PPM1L: variants seen among roughly 807,000 people sequenced by gnomAD.
The protein encoded by PPM1L is protein phosphatase, Mg2+/Mn2+ dependent 1L, also known as protein phosphatase 1L.
A neutral mutation model predicts 31.4 loss-of-function variants in PPM1L; 13 were observed. That is an observed-to-expected ratio of 0.41 (90% CI 0.27 to 0.66). The LOEUF is 0.66. PPM1L is among the 30% of genes least tolerant of loss of function. The probability of loss-of-function intolerance (pLI) is 0.29; values close to 1 mark genes in which losing one functional copy is unlikely to be tolerated. For missense variants in PPM1L, 326 were observed against 453.7 expected (o/e 0.72, Z 2.56); for synonymous variants, 184 against 175.4 (o/e 1.05, Z -0.39).
intron 2 of PPM1L, among the ~76,000 whole-genome samples, chr3:160,973,437 G>A (rs1465399079): frequency 6.6e-6 from 1 of 152,150 alleles, no homozygotes; most frequent in Non-Finnish European, 1.5e-5. Flanking sequence ...TGTACTATCG[G>A]GATTGTGTAA....
intron 1 of PPM1L, among the ~76,000 whole-genome samples, chr3:160,920,277 T>C (rs1714341830): frequency 6.6e-6 from 1 of 152,106 alleles, no homozygotes; most frequent in Non-Finnish European, 1.5e-5. Context: ...TCTATGGCAA[T>C]AAGGGCCAGG....
intron 3 of PPM1L, 125 bp downstream of exon 3, chr3:161,065,689 T>C: frequency 4.2e-6 from 3 of 713,872 alleles, no homozygotes; most frequent in Non-Finnish European, 4.4e-6. Flanking sequence ...CTGAGGTAAC[T>C]GAGATTGACT....
intron 1 of PPM1L, among the ~76,000 whole-genome samples, chr3:160,893,021 T>C (rs1359940061): frequency 6.6e-6 from 1 of 152,168 alleles, no homozygotes; most frequent in Non-Finnish European, 1.5e-5. Context: ...GTCATATATA[T>C]ATAACTGGAG....
At chr3:160,815,358 A>C (rs1157607313) in intron 1 of PPM1L, among the ~76,000 whole-genome samples, 1 of 152,060 alleles carries the variant, frequency 6.6e-6, no homozygotes, top group Non-Finnish European at 1.5e-5. Flanking sequence ...TCCAAGCACA[A>C]CTGTTCTCAG....
At chr3:160,920,587 TC>T (rs1349935443) in intron 1 of PPM1L, among the ~76,000 whole-genome samples, 12 of 8,062 alleles carry the variant, frequency 1.5e-3, no homozygotes, top group Admixed American at 4.9e-3. Flanking sequence ...GCATTTAGTT[TC>T]TCTCTCTCTC....
chr3:160,798,126 C>T (rs1033038065), intron 1 of PPM1L, among the ~76,000 whole-genome samples: 16 of 151,870 alleles, frequency 1.1e-4, no homozygotes, highest in African/African-American at 2.9e-4. Flanking sequence ...TGCAGTGAGC[C>T]GAGATCACGC....
chr3:160,895,693 T>G lies in PPM1L; in HGVS notation c.400-66043T>G, dbSNP rs1213675667. ...GTGGTTCTTGATCCTTTGGTTATCT[T>G]CTTTTAATAGGGACATCAAGAGTGT... On this transcript the variant is annotated intron_variant, in intron 1 of 3. Coordinates refer to ENST00000498165, the MANE Select transcript of PPM1L (RefSeq NM_139245.4). Among the ~76,000 whole-genome samples, 15 of 152,206 alleles carry G rather than the reference T, an allele frequency of 9.9e-5. 1 individual carries two copies. Among genetic ancestry groups the G allele is most frequent in the Admixed American group, 9.8e-4 (15 of 15,278 alleles).
intron 2 of PPM1L, among the ~76,000 whole-genome samples, chr3:161,006,429 A>G (rs540833350): frequency 3.9e-5 from 6 of 152,206 alleles, no homozygotes; most frequent in Non-Finnish European, 8.8e-5. Flanking sequence ...AAGATCTGTT[A>G]TACAACCATG....
At chr3:160,825,504 A>G (rs979774085) in intron 1 of PPM1L, among the ~76,000 whole-genome samples, 1 of 152,174 alleles carries the variant, frequency 6.6e-6, no homozygotes, top group Non-Finnish European at 1.5e-5. Flanking sequence ...GCATTGCTGC[A>G]TCCTCTGATC....
intron 1 of PPM1L, among the ~76,000 whole-genome samples, chr3:160,837,875 A>C (rs572307459): frequency 6.6e-6 from 1 of 152,278 alleles, no homozygotes; most frequent in South Asian, 2.1e-4. Context: ...CTCTGCTGTC[A>C]CTGTCTTGAA....
chr3:160,909,221 G>A (rs905258341), intron 1 of PPM1L, among the ~76,000 whole-genome samples: 7 of 152,168 alleles, frequency 4.6e-5, no homozygotes, highest in African/African-American at 1.4e-4. Context: ...TAGTGTAGGA[G>A]GAATGAGGAG....
At chr3:160,855,341 A>G (rs1024590503) in intron 1 of PPM1L, among the ~76,000 whole-genome samples, 1 of 152,224 alleles carries the variant, frequency 6.6e-6, no homozygotes, top group Admixed American at 6.5e-5. Flanking sequence ...GAAGACACCA[A>G]AAGTAATTGC....
chr3:160,828,526 A>G (rs62272830), intron 1 of PPM1L, among the ~76,000 whole-genome samples: 5,238 of 152,256 alleles, frequency 0.034, 135 homozygotes, highest in Middle Eastern at 0.12. Context: ...GAGATAGACA[A>G]TAAGTAAGTA....
chr3:161,030,505 A>G (rs923328653), intron 2 of PPM1L, among the ~76,000 whole-genome samples: 1 of 152,174 alleles, frequency 6.6e-6, no homozygotes, highest in Non-Finnish European at 1.5e-5. Flanking sequence ...GTTATCTATA[A>G]ATCACCTAGT....
intron 1 of PPM1L, among the ~76,000 whole-genome samples, chr3:160,885,618 C>T (rs900918816): frequency 1.3e-5 from 2 of 152,192 alleles, no homozygotes; most frequent in South Asian, 2.1e-4. Flanking sequence ...GAGAGCCACA[C>T]GGGGCAGAGG....
intron 1 of PPM1L, among the ~76,000 whole-genome samples, chr3:160,925,025 A>G (rs773163845): frequency 6.6e-6 from 1 of 152,206 alleles, no homozygotes; most frequent in Non-Finnish European, 1.5e-5. Flanking sequence ...TATTTGTTTT[A>G]TATTTCCTTT....
intron 2 of PPM1L, among the ~76,000 whole-genome samples, chr3:161,002,092 G>C (rs1012167315): frequency 6.6e-6 from 1 of 151,490 alleles, no homozygotes; most frequent in Non-Finnish European, 1.5e-5. Context: ...GCGGTGTTTG[G>C]TTTTGTGTTC....
chr3:160,985,030 C>G (rs1196103659), intron 2 of PPM1L, among the ~76,000 whole-genome samples: 1 of 152,130 alleles, frequency 6.6e-6, no homozygotes, highest in Non-Finnish European at 1.5e-5. Context: ...TAAGTAGTGC[C>G]AAGGTTGTCT....
At chr3:160,898,283 A>G (rs765068214) in intron 1 of PPM1L, among the ~76,000 whole-genome samples, 26 of 152,224 alleles carry the variant, frequency 1.7e-4, no homozygotes, top group Non-Finnish European at 3.2e-4. Flanking sequence ...AGTAAAAACC[A>G]AAATAATAGC....
Sources: gnomAD v4.1 joint callset for allele counts (sites outside exome capture counted in the v4.1 genomes callset) on GRCh38, gnomAD v4.1.1 for gene constraint, MANE v1.5 for transcripts, NCBI Gene and HGNC (gene_info 2026-07-23, HGNC 2026-07-21) for gene names.